CALD1: variants seen among roughly 807,000 people sequenced by gnomAD.
The protein encoded by CALD1 is caldesmon.
CALD1 carries 33 observed loss-of-function variants against 99.9 expected under a neutral mutation model. The ratio of observed to expected loss-of-function variants is 0.33; its 90% CI spans 0.25 to 0.44. The LOEUF is 0.44. CALD1 is among the 20% of genes least tolerant of loss of function. CALD1 has a pLI of 1.00. For synonymous variants in CALD1, 310 were observed against 325.0 expected (o/e 0.95, Z 0.50); for missense variants, 861 against 962.1 (o/e 0.89, Z 1.39).
At chr7:134,745,901 C>T (rs1796631152) in intron 1 of CALD1, among the ~76,000 whole-genome samples, 1 of 152,110 alleles carries the variant, frequency 6.6e-6, no homozygotes, top group African/African-American at 2.4e-5. Context: ...ATTTTGGAAA[C>T]CCTTTTGTTG....
chr7:134,935,423 C>A (rs960699261), intron 5 of CALD1, among the ~76,000 whole-genome samples: 1 of 152,154 alleles, frequency 6.6e-6, no homozygotes, highest in African/African-American at 2.4e-5. Context: ...TGCACCAAAC[C>A]ACACACGAGG....
intron 1 of CALD1, among the ~76,000 whole-genome samples, chr7:134,816,800 T>G (rs1320343589): frequency 1.3e-5 from 2 of 152,192 alleles, no homozygotes; most frequent in Middle Eastern, 3.2e-3. Flanking sequence ...TTACATTTCA[T>G]TGACAATCCC....
At chr7:134,826,873 C>G (rs147783150) in intron 1 of CALD1, among the ~76,000 whole-genome samples, 1 of 152,156 alleles carries the variant, frequency 6.6e-6, no homozygotes, top group Non-Finnish European at 1.5e-5. Context: ...CAACCTCTAC[C>G]TGCTTAACTC....
chr7:134,837,814 C>T (rs1006634688), intron 1 of CALD1, among the ~76,000 whole-genome samples: 12 of 152,168 alleles, frequency 7.9e-5, no homozygotes, highest in African/African-American at 2.7e-4. Context: ...AACCCTTCAG[C>T]GTAGTAATTA....
intron 3 of CALD1, among the ~76,000 whole-genome samples, chr7:134,889,854 T>G (rs1802059872): frequency 6.6e-6 from 1 of 152,164 alleles, no homozygotes. Flanking sequence ...ATAATTAACT[T>G]TAAGTTTATT....
intron 2 of CALD1, chr7:134,844,202 T>G (rs1263903672): frequency 6.8e-6 from 1 of 147,408 alleles, no homozygotes; most frequent in Non-Finnish European, 1.5e-5. Flanking sequence ...TTTTTTTTTT[T>G]GCTTTATTTT....
chr7:134,779,015 T>C (rs901825724), upstream of CALD1, among the ~76,000 whole-genome samples: 1 of 152,214 alleles, frequency 6.6e-6, no homozygotes, highest in East Asian at 1.9e-4. Context: ...TGGGGAGGTG[T>C]GCCTCTTTCA....
At chr7:134,841,753 T>A (rs1799660154) in intron 1 of CALD1, among the ~76,000 whole-genome samples, 1 of 152,212 alleles carries the variant, frequency 6.6e-6, no homozygotes, top group Admixed American at 6.5e-5. Flanking sequence ...TAAGACCCTG[T>A]GTCCAGCACA....
chr7:134,737,285 C>T, the CALD1 span, among the ~76,000 whole-genome samples: 4,069 of 131,900 alleles, frequency 0.031, 163 homozygotes, highest in African/African-American at 0.11. Context: ...CCACCACACC[C>T]GGCTAATTTT....
chr7:134,832,089 G>A (rs1415741441), intron 1 of CALD1, among the ~76,000 whole-genome samples: 1 of 152,200 alleles, frequency 6.6e-6, no homozygotes, highest in Non-Finnish European at 1.5e-5. Flanking sequence ...TGAGAAATGC[G>A]CACGCGCAGT....
At chr7:134,724,615 T>A in the CALD1 span, among the ~76,000 whole-genome samples, 1 of 152,242 alleles carries the variant, frequency 6.6e-6, no homozygotes, top group African/African-American at 2.4e-5. Context: ...AATCATATAG[T>A]CAGTAGCTGG....
chr7:134,772,726 A>G (rs1796886708), intron 1 of CALD1, among the ~76,000 whole-genome samples: 1 of 152,148 alleles, frequency 6.6e-6, no homozygotes, highest in African/African-American at 2.4e-5. Flanking sequence ...TCAATCTTAC[A>G]TTTGCTTATT....
At chr7:134,777,230 A>G (rs1796925384), upstream of CALD1, among the ~76,000 whole-genome samples, 1 of 152,190 alleles carries the variant, frequency 6.6e-6, no homozygotes, top group African/African-American at 2.4e-5. Flanking sequence ...ATTTTTCAAT[A>G]TCATGGTACA....
intron 1 of CALD1, among the ~76,000 whole-genome samples, chr7:134,821,195 A>C (rs1563023815): frequency 1.3e-5 from 2 of 152,224 alleles, no homozygotes; most frequent in Non-Finnish European, 2.9e-5. Context: ...AAGTGTACAA[A>C]TTTCCCTATG....
intron 1 of CALD1, among the ~76,000 whole-genome samples, chr7:134,784,938 G>A (rs1020812206): frequency 2.6e-5 from 4 of 152,148 alleles, no homozygotes; most frequent in African/African-American, 9.7e-5. Flanking sequence ...AGATCTGATT[G>A]GTTCAGTCAA....
rs59210460 is a variant in CALD1, at chr7:134,857,158, C to CTTTTTTTT, written c.-41-10515_-41-10508dup. Among the ~76,000 whole-genome samples, 36 of 75,366 alleles carry CTTTTTTTT rather than the reference C, an allele frequency of 4.8e-4. 2 individuals carry two copies. The highest frequency in any genetic ancestry group is 6.0e-4 in the Non-Finnish European group (24 of 39,760). The allele number at this position is 75,366 out of a possible 152,430, so 49.4% of individuals were successfully genotyped here. A position where few individuals can be genotyped will look rare whatever the true frequency, so the allele number is the denominator to read the frequency against. On this transcript the variant is annotated intron_variant, in intron 2 of 14. Coordinates refer to ENST00000361675, the MANE Select transcript of CALD1 (RefSeq NM_033138.4). ...AAAGATCCTATGGTTTTGCGCTATT[C>CTTTTTTTT]TTTTTTTTTTTTTTTTTTTTTTTTT...
chr7:134,952,583 G>A (rs1807439206), intron 9 of CALD1, among the ~76,000 whole-genome samples: 2 of 150,972 alleles, frequency 1.3e-5, no homozygotes, highest in Non-Finnish European at 2.9e-5. Flanking sequence ...CGATTCTTCT[G>A]CCTCAGCCTC....
rs200617975 is a variant in CALD1 at position 134,941,156 on chromosome 7, G to A, written c.1451G>A (p.Arg484Gln). The A allele has an allele frequency of 1.3e-5, 21 of 1,612,542 alleles. No individual in the cohort carries two copies. Among genetic ancestry groups the A allele is most frequent in the South Asian group, 1.2e-4 (11 of 90,870 alleles). ...PKEEVKSFMD[R>Q]KKGFTEVKSQ... ...GAAGAAGTTAAGAGCTTCATGGATC[G>A]AAAGAAGGGATTTACAGAAGTTAAG... The change falls in exon 7 of 15, where the codon CGA (arginine) becomes CAA (glutamine). Residue 484 changes from arginine to glutamine, a missense_variant. Arg to Gln is a conservative substitution (Grantham distance 43). This residue lies in a region of CALD1 where 293 missense variants were observed against 262.7 expected (regional missense o/e 1.12). Transcript: ENST00000361675.
At chr7:134,891,745 TAAAAAAAAAAA>T (rs10607357) in intron 3 of CALD1, 20 of 427,618 alleles carry the variant, frequency 4.7e-5, no homozygotes, top group Admixed American at 6.0e-5. Context: ...CGAATTGTTG[TAAAAAAAAAAA>T]AAAAAAAAAA....
Sources: gnomAD v4.1 joint callset for allele counts (sites outside exome capture counted in the v4.1 genomes callset) on GRCh38, gnomAD v4.1.1 for gene constraint, gnomAD v4.1.1 regional missense constraint, MANE v1.5 for transcripts, NCBI Gene and HGNC (gene_info 2026-07-23, HGNC 2026-07-21) for gene names.